DNM3: variants seen among roughly 807,000 people sequenced by gnomAD.
The protein encoded by DNM3 is dynamin 3, also known as dynamin-3.
In DNM3, 47 loss-of-function variants were observed where a neutral mutation model predicts 101.6. The observed-to-expected ratio is 0.46, with a 90% CI of 0.37 to 0.59. The LOEUF is 0.59. DNM3 is among the 20% of genes least tolerant of loss of function. The pLI, the probability that DNM3 is intolerant of heterozygous loss-of-function variation, is 0.00. For synonymous variants in DNM3, 385 were observed against 387.9 expected (o/e 0.99, Z 0.09); for missense variants, 849 against 1,085.7 (o/e 0.78, Z 3.06).
intron 16 of DNM3, chr1:172,309,248 A>G (rs754795605): frequency 5.2e-4 from 84 of 160,246 alleles, no homozygotes; most frequent in Non-Finnish European, 8.8e-4. Context: ...ATAAAAATCT[A>G]TCCCCTTTCA....
chr1:171,892,258 C>T (rs2037354655), intron 1 of DNM3, among the ~76,000 whole-genome samples: 1 of 151,986 alleles, frequency 6.6e-6, no homozygotes, highest in Non-Finnish European at 1.5e-5. Flanking sequence ...ATATATCCTC[C>T]CCCAGTTCTA....
intron 15 of DNM3, among the ~76,000 whole-genome samples, chr1:172,263,956 T>C (rs2062763670): frequency 6.6e-6 from 1 of 152,228 alleles, no homozygotes; most frequent in South Asian, 2.1e-4. Flanking sequence ...TTATTATACA[T>C]GAAATTAATG....
intron 7 of DNM3, among the ~76,000 whole-genome samples, chr1:172,041,497 G>A (rs2049383699): frequency 6.6e-6 from 1 of 152,160 alleles, no homozygotes; most frequent in Non-Finnish European, 1.5e-5. Flanking sequence ...ACTCTTCTGA[G>A]AGTTATAGGC....
At chr1:171,953,505 G>A (rs1205916850) in intron 2 of DNM3, among the ~76,000 whole-genome samples, 2 of 150,056 alleles carry the variant, frequency 1.3e-5, no homozygotes, top group Non-Finnish European at 2.9e-5. Context: ...TCAGCCCAGT[G>A]CAACTTCTGC....
intron 14 of DNM3, chr1:172,140,461 T>C (rs1311924327): frequency 6.6e-6 from 1 of 151,912 alleles, no homozygotes; most frequent in Non-Finnish European, 1.5e-5. Context: ...AGAAAGTAAT[T>C]ATAGAGTGAT....
intron 8 of DNM3, among the ~76,000 whole-genome samples, chr1:172,042,367 G>C (rs917941616): frequency 6.6e-6 from 1 of 152,116 alleles, no homozygotes; most frequent in African/African-American, 2.4e-5. Context: ...TACTAATTGA[G>C]TTTCCTAGTT....
chr1:172,232,060 G>A lies in DNM3; in HGVS notation c.1660-21513G>A, dbSNP rs9727736. ...AACAATATTAACCTTAAATGTAAAT[G>A]GGCTAAATGCTCCAATTAAAAGACA... On this transcript the variant is annotated intron_variant, in intron 14 of 20. Coordinates refer to ENST00000627582, the MANE Select transcript of DNM3 (RefSeq NM_015569.5). 1.8e-3 allele frequency among the ~76,000 whole-genome samples: 275 copies of A among 152,162 alleles called. 1 individual carries two copies. The highest frequency in any genetic ancestry group is 6.0e-3 in the African/African-American group (250 of 41,516).
intron 7 of DNM3, 80 bp downstream of exon 7, chr1:172,038,541 G>A (rs568017828): frequency 1.4e-5 from 22 of 1,548,264 alleles, no homozygotes; most frequent in African/African-American, 6.9e-5. Context: ...TATTTGTCAC[G>A]TTGCTTCTTA....
chr1:172,032,322 C>T (rs1225975520), intron 4 of DNM3, 80 bp from the exon 5 acceptor site: 4 of 1,006,488 alleles, frequency 4.0e-6, no homozygotes, highest in African/African-American at 3.2e-5. Flanking sequence ...ATGTGCTTTA[C>T]ATTTAGCATT....
chr1:172,124,888 C>A (rs2056535820), intron 13 of DNM3, among the ~76,000 whole-genome samples: 1 of 152,218 alleles, frequency 6.6e-6, no homozygotes, highest in Admixed American at 6.5e-5. Flanking sequence ...TGGGAAGACT[C>A]TTTTCCCTAT....
At chr1:171,982,021 G>A (rs1288023854) in intron 2 of DNM3, among the ~76,000 whole-genome samples, 1 of 152,120 alleles carries the variant, frequency 6.6e-6, no homozygotes, top group African/African-American at 2.4e-5. Flanking sequence ...ACCATTTCAT[G>A]TGCCCAACTA....
intron 4 of DNM3, among the ~76,000 whole-genome samples, chr1:171,998,872 A>C (rs1390502352): frequency 6.6e-6 from 1 of 152,054 alleles, no homozygotes; most frequent in African/African-American, 2.4e-5. Flanking sequence ...CAAAGGAATG[A>C]GAGTGGAACT....
intron 1 of DNM3, among the ~76,000 whole-genome samples, chr1:171,909,097 C>G (rs1018710002): frequency 6.6e-6 from 1 of 152,102 alleles, no homozygotes; most frequent in Non-Finnish European, 1.5e-5. Flanking sequence ...TGGATACTAA[C>G]AGTCCCAGTT....
At chr1:172,293,934 T>C (rs2586404) in intron 15 of DNM3, among the ~76,000 whole-genome samples, 49,243 of 152,068 alleles carry the variant, frequency 0.32, 8,543 homozygotes, top group African/African-American at 0.45. Context: ...GGAAAGTCTG[T>C]GCCCTCTGCT....
intron 13 of DNM3, chr1:172,093,781 G>T (rs1221156630): frequency 6.4e-7 from 1 of 1,554,438 alleles, no homozygotes; most frequent in African/African-American, 1.4e-5. Flanking sequence ...CTTCCCAAGG[G>T]CACAGTTTGT....
At chr1:172,353,601 T>C (rs976553659) in intron 17 of DNM3, among the ~76,000 whole-genome samples, 3 of 152,154 alleles carry the variant, frequency 2.0e-5, no homozygotes, top group Non-Finnish European at 1.5e-5. Flanking sequence ...GTCCCACTTT[T>C]CCTGATTGAT....
intron 17 of DNM3, among the ~76,000 whole-genome samples, chr1:172,332,871 C>T (rs575336266): frequency 1.3e-5 from 2 of 152,286 alleles, no homozygotes; most frequent in African/African-American, 4.8e-5. Flanking sequence ...CTCTCACTAT[C>T]CAAATGGCGA....
chr1:171,992,650 C>A (rs2045714080), intron 4 of DNM3, among the ~76,000 whole-genome samples: 1 of 151,972 alleles, frequency 6.6e-6, no homozygotes, highest in Admixed American at 6.6e-5. Flanking sequence ...GACCTACTTG[C>A]CCCCAGTTTT....
intron 16 of DNM3, among the ~76,000 whole-genome samples, chr1:172,313,870 G>A (rs1468810910): frequency 2.6e-5 from 4 of 151,950 alleles, no homozygotes; most frequent in Non-Finnish European, 4.4e-5. Flanking sequence ...ATAGGTATAC[G>A]TGTGCCATGG....
Sources: gnomAD v4.1 joint callset for allele counts (sites outside exome capture counted in the v4.1 genomes callset) on GRCh38, gnomAD v4.1.1 for gene constraint, MANE v1.5 for transcripts, NCBI Gene and HGNC (gene_info 2026-07-23, HGNC 2026-07-21) for gene names.